Variants in GNB1L observed in about 807,000 individuals in gnomAD.
GNB1L encodes guanine nucleotide-binding protein subunit beta-like protein 1.
In GNB1L, 20 loss-of-function variants were observed where a neutral mutation model predicts 29.1. That is an observed-to-expected ratio of 0.69 (90% CI 0.48 to 1.00). The LOEUF is 1.00. GNB1L is among the 50% of genes least tolerant of loss of function. GNB1L has a pLI of 0.00. For synonymous variants in GNB1L, 193 were observed against 206.5 expected (o/e 0.93, Z 0.56); for missense variants, 421 against 464.9 (o/e 0.91, Z 0.87).
intron 2 of GNB1L, among the ~76,000 whole-genome samples, chr22:19,827,509 A>G (rs1937628576): frequency 6.6e-6 from 1 of 152,228 alleles, no homozygotes; most frequent in Non-Finnish European, 1.5e-5. Flanking sequence ...ACAGAATACA[A>G]AAGCAAACAC....
intron 2 of GNB1L, among the ~76,000 whole-genome samples, chr22:19,823,403 A>G (rs1937594428): frequency 6.6e-6 from 1 of 152,230 alleles, no homozygotes; most frequent in Non-Finnish European, 1.5e-5. Flanking sequence ...GGGGGCTGGA[A>G]CAGCTGCCCT....
chr22:19,796,508 G>T (rs1320971035), intron 7 of GNB1L, among the ~76,000 whole-genome samples: 1 of 152,138 alleles, frequency 6.6e-6, no homozygotes, highest in Non-Finnish European at 1.5e-5. Context: ...AGACCACAAT[G>T]TTAATTAAGT....
rs5748424 is a variant in GNB1L, at chr22:19,785,381, C to A, written c.*3328G>T. On this transcript the variant is annotated 3_prime_UTR_variant, in exon 8 of 8. Transcript: ENST00000329517. The surrounding 1 kb of genome is among the most constrained non-coding windows in gnomAD (Gnocchi z 4.1). ...CCGAGACTGCTCCATTGCACTCCAGCCTGGGGGACAGAGTGAGACTCTGAC... is the reference window on the plus strand; with the variant it reads ...CCGAGACTGCTCCATTGCACTCCAGACTGGGGGACAGAGTGAGACTCTGAC... The A allele has an allele frequency of 3.0e-3, 452 of 152,078 alleles. 7 individuals carry two copies. The East Asian group carries it at 0.063, about 21-fold the overall frequency. The allele number at this position is 152,078 out of a possible 1,614,324, so 9.4% of individuals were successfully genotyped here. A position where few individuals can be genotyped will look rare whatever the true frequency, so the allele number is the denominator to read the frequency against.
intron 2 of GNB1L, among the ~76,000 whole-genome samples, chr22:19,826,248 A>G (rs1239895613): frequency 1.3e-5 from 2 of 152,224 alleles, no homozygotes; most frequent in East Asian, 1.9e-4. Flanking sequence ...ACACCCACGG[A>G]TGCCAGAAAA....
chr22:19,821,176 G>C, intron 3 of GNB1L, 52 bp downstream of exon 3: 2 of 1,556,106 alleles, frequency 1.3e-6, no homozygotes, highest in South Asian at 2.3e-5. Flanking sequence ...GCTAGCTCAC[G>C]ACCTCCTGAC....
At chr22:19,810,928 C>G (rs1361199416) in intron 5 of GNB1L, among the ~76,000 whole-genome samples, 1 of 152,180 alleles carries the variant, frequency 6.6e-6, no homozygotes, top group Non-Finnish European at 1.5e-5. Context: ...GGACGTGTGG[C>G]AGGGGGCAGC....
At chr22:19,831,780 T>C (rs1006746021) in intron 2 of GNB1L, among the ~76,000 whole-genome samples, 2 of 151,678 alleles carry the variant, frequency 1.3e-5, no homozygotes, top group Admixed American at 6.6e-5. Flanking sequence ...CTTTAAAATA[T>C]AAATAAACTT....
At position 19,834,690 on chromosome 22, in the gene GNB1L, C is replaced by T. The variant is rs534502314; in HGVS notation, c.-20-13315G>A. Reference sequence around the variant, plus strand: ...TCATCCCTGCAGCAACCATTAAAAACATAACACAAAGAGATACTGCCAAAG... The same window carrying T: ...TCATCCCTGCAGCAACCATTAAAAATATAACACAAAGAGATACTGCCAAAG... On this transcript the variant is annotated intron_variant, in intron 2 of 7. Coordinates refer to ENST00000329517, the MANE Select transcript of GNB1L (RefSeq NM_053004.3). Among the ~76,000 whole-genome samples, 3 of 151,730 alleles carry T rather than the reference C, an allele frequency of 2.0e-5. No individual in the cohort carries two copies. In the East Asian group the frequency reaches 5.8e-4, roughly 29 times the overall value.
intron 7 of GNB1L, among the ~76,000 whole-genome samples, chr22:19,792,010 A>C (rs1021004244): frequency 6.6e-6 from 1 of 152,232 alleles, no homozygotes; most frequent in Non-Finnish European, 1.5e-5. Context: ...CAAGGTGAAC[A>C]GTCAGTAACT....
At chr22:19,847,804 C>CAAAAAAAAAAAAAAAAAAGAAA (rs1937997972) in intron 2 of GNB1L, 1 of 533,108 alleles carries the variant, frequency 1.9e-6, no homozygotes, top group Non-Finnish European at 2.2e-6. Flanking sequence ...GAATCATAGG[C>CAAAAAAAAAAAAAAAAAAGAAA]AAAAAAAAAA....
intron 7 of GNB1L, among the ~76,000 whole-genome samples, chr22:19,793,708 A>G (rs1937276536): frequency 6.6e-6 from 1 of 152,214 alleles, no homozygotes; most frequent in East Asian, 1.9e-4. Context: ...GAATGATAGG[A>G]TATCATGAGT....
chr22:19,807,853 C>T (rs1937454033), intron 5 of GNB1L, among the ~76,000 whole-genome samples: 1 of 152,198 alleles, frequency 6.6e-6, no homozygotes, highest in Non-Finnish European at 1.5e-5. Flanking sequence ...AGAATAGGCC[C>T]GGGACCCCAA....
chr22:19,808,760 G>C (rs1937465229), intron 5 of GNB1L, among the ~76,000 whole-genome samples: 1 of 152,234 alleles, frequency 6.6e-6, no homozygotes, highest in Non-Finnish European at 1.5e-5. Context: ...GCCACTGAGT[G>C]AAGAGCTAGA....
chr22:19,789,351 G>T (rs1463392548), intron 7 of GNB1L, among the ~76,000 whole-genome samples: 2 of 152,236 alleles, frequency 1.3e-5, no homozygotes, highest in African/African-American at 4.8e-5. Flanking sequence ...CAGAATGCTG[G>T]CACTCCTCCC....
intron 2 of GNB1L, among the ~76,000 whole-genome samples, chr22:19,843,325 G>C (rs12106500): frequency 1.3e-5 from 2 of 152,210 alleles, no homozygotes; most frequent in Non-Finnish European, 2.9e-5. Flanking sequence ...GTCAGTATCC[G>C]CCTTTGGAAG....
intron 6 of GNB1L, among the ~76,000 whole-genome samples, chr22:19,806,110 C>T (rs1937431188): frequency 6.6e-6 from 1 of 152,220 alleles, no homozygotes; most frequent in South Asian, 2.1e-4. Flanking sequence ...TGCCTTCCAA[C>T]CCTGTCTAAC....
rs114150891 is a variant in GNB1L at position 19,849,287 on chromosome 22, G to A, written c.-21+5156C>T. The A allele has an allele frequency of 1.2e-3, 1,182 of 982,078 alleles. 13 individuals carry two copies. In the African/African-American group the frequency reaches 0.02, roughly 16 times the overall value. 60.8% of individuals were successfully genotyped at this position (982,078 alleles called of 1,614,324 possible). A position where few individuals can be genotyped will look rare whatever the true frequency, so the allele number is the denominator to read the frequency against. On this transcript the variant is annotated intron_variant, in intron 2 of 7. Transcript: ENST00000329517. ...AAATAACTCACACATAAAACCATCT[G>A]AACCCAGAGCCTTTTCTAGTGATAG...
At chr22:19,827,973 G>A (rs912703445) in intron 2 of GNB1L, among the ~76,000 whole-genome samples, 1 of 152,162 alleles carries the variant, frequency 6.6e-6, no homozygotes, top group African/African-American at 2.4e-5. Context: ...TCGTACGATA[G>A]AATACTCCAC....
At chr22:19,850,071 C>G (rs1303195732) in intron 2 of GNB1L, 1 of 985,710 alleles carries the variant, frequency 1.0e-6, no homozygotes, top group African/African-American at 1.7e-5. Context: ...CCACCCACCC[C>G]CTACTCAGCC....
Sources: allele counts gnomAD v4.1 joint callset (sites outside exome capture counted in the v4.1 genomes callset), GRCh38; gene constraint gnomAD v4.1.1; non-coding constraint Gnocchi (gnomAD v3.1); transcripts MANE v1.5; gene names NCBI Gene and HGNC (gene_info 2026-07-23, HGNC 2026-07-21).